The following SETD3 variants were observed in gnomAD, a reference collection of about 807,000 sequenced individuals.
The protein encoded by SETD3 is actin-histidine N-methyltransferase.
SETD3 carries 19 observed loss-of-function variants against 63.0 expected under a neutral mutation model. The ratio of observed to expected loss-of-function variants is 0.30; its 90% CI spans 0.21 to 0.44. The LOEUF (loss-of-function observed/expected upper bound fraction) is 0.44, where lower values mean the gene tolerates loss of function less well. Ranked by LOEUF, SETD3 falls within the 20% of genes least tolerant of loss-of-function variation. The pLI, the probability that SETD3 is intolerant of heterozygous loss-of-function variation, is 1.00. For missense variants in SETD3, 587 were observed against 728.5 expected (o/e 0.81, Z 2.24); for synonymous variants, 286 against 264.1 (o/e 1.08, Z -0.80).
intron 9 of SETD3, 121 bp from the exon 10 acceptor site, chr14:99,405,492 T>C (rs966498559): frequency 5.7e-6 from 6 of 1,053,278 alleles, no homozygotes; most frequent in South Asian, 1.7e-5. Flanking sequence ...CTGAAAGTAT[T>C]GATACACCTG....
chr14:99,428,948 G>A (rs753576104), intron 6 of SETD3, among the ~76,000 whole-genome samples: 5 of 152,078 alleles, frequency 3.3e-5, no homozygotes, highest in Non-Finnish European at 7.4e-5. Flanking sequence ...CTGCCTTTCT[G>A]ACCCACACAA....
In SETD3 at chr14:99,404,238, G is replaced by A. The variant is rs772840688; in HGVS notation, c.1164C>T (p.Phe388=). The part of the protein sequence containing the change: ...SAQLLAFLRV[F]CMTEEELKEH... ...GAAATGACTTACCTTCAGTCATACA[G>A]AATACTCGGAGAAAAGCCAAAAGCT... The change falls in exon 11 of 13, where the codon TTC becomes TTT. Residue 388 remains phenylalanine, a synonymous_variant. Transcript: ENST00000331768. 1.2e-6 allele frequency: 2 copies of A among 1,613,822 alleles called. No individual in the cohort carries two copies. Among genetic ancestry groups the A allele is most frequent in the Admixed American group, 1.7e-5 (1 of 60,008 alleles).
At position 99,476,769 on chromosome 14, in the gene SETD3, G is replaced by T. The variant is rs1895993661; in HGVS notation, c.-9+3959C>A. On this transcript the variant is annotated intron_variant, in intron 1 of 12. Transcript: ENST00000331768. The stretch of plus-strand genomic sequence containing the variant: ...TTAGTCGGAAGACTTTCTTAGACCT[G>T]TTATGTCCTGATGAATTGTATTCTT... 2.0e-5 allele frequency among the ~76,000 whole-genome samples: 3 copies of T among 152,270 alleles called. No homozygotes were observed. In the South Asian group the frequency reaches 6.2e-4, roughly 32 times the overall value.
At chr14:99,424,744 CA>C (rs1056891289) in intron 6 of SETD3, among the ~76,000 whole-genome samples, 6 of 151,960 alleles carry the variant, frequency 3.9e-5, no homozygotes, top group African/African-American at 1.5e-4. Context: ...AAGTTCTTGT[CA>C]CATGGTCTCA....
intron 6 of SETD3, among the ~76,000 whole-genome samples, chr14:99,454,129 G>A (rs1894620287): frequency 6.6e-6 from 1 of 151,960 alleles, no homozygotes; most frequent in African/African-American, 2.4e-5. Context: ...TCATTTGCAT[G>A]AATTTTTAAG....
intron 6 of SETD3, among the ~76,000 whole-genome samples, chr14:99,429,854 C>A (rs991188108): frequency 9.2e-5 from 14 of 152,208 alleles, no homozygotes; most frequent in Non-Finnish European, 1.3e-4. Flanking sequence ...TAAGGCCTAC[C>A]TTATATGCTT....
upstream of SETD3, among the ~76,000 whole-genome samples, chr14:99,483,292 T>C (rs910121257): frequency 1.3e-5 from 2 of 152,020 alleles, no homozygotes; most frequent in East Asian, 3.9e-4. Flanking sequence ...CTCACGCTTA[T>C]AATACCAGTA....
intron 8 of SETD3, among the ~76,000 whole-genome samples, chr14:99,407,599 AAGG>A (rs960638674): frequency 1.6e-4 from 24 of 152,128 alleles, no homozygotes; most frequent in African/African-American, 4.8e-4. Context: ...ACGGCCGAAT[AAGG>A]AGGCGGCTCA....
At chr14:99,426,000 T>C (rs1892861369) in intron 6 of SETD3, among the ~76,000 whole-genome samples, 1 of 152,208 alleles carries the variant, frequency 6.6e-6, no homozygotes, top group Non-Finnish European at 1.5e-5. Context: ...GAGGTAATCT[T>C]AGATTATTAA....
upstream of SETD3, among the ~76,000 whole-genome samples, chr14:99,483,499 G>C (rs765340913): frequency 6.6e-5 from 10 of 152,210 alleles, no homozygotes; most frequent in Non-Finnish European, 1.2e-4. Flanking sequence ...GCAGTGAGCC[G>C]TGATCGGGTG....
intron 1 of SETD3, among the ~76,000 whole-genome samples, chr14:99,476,069 T>C (rs983478951): frequency 6.6e-6 from 1 of 152,252 alleles, no homozygotes; most frequent in Non-Finnish European, 1.5e-5. Flanking sequence ...TTTGGGCATT[T>C]ATTATATGAT....
chr14:99,478,200 C>T (rs4905838), intron 1 of SETD3, among the ~76,000 whole-genome samples: 140,348 of 152,256 alleles, frequency 0.92, 65,791 homozygotes, highest in East Asian at 1. Flanking sequence ...TCCAAAGTAA[C>T]ATAAGAATAA....
chr14:99,481,713 G>C, upstream of SETD3: 2 of 382,062 alleles, frequency 5.2e-6, no homozygotes, highest in Non-Finnish European at 9.3e-6. Flanking sequence ...ACTCACCCTA[G>C]AACTGGTAGC....
intron 1 of SETD3, among the ~76,000 whole-genome samples, chr14:99,469,103 G>A (rs954488505): frequency 5.9e-5 from 9 of 152,164 alleles, no homozygotes; most frequent in African/African-American, 1.4e-4. Flanking sequence ...AATACATTCC[G>A]TTGACAGTAA....
At chr14:99,465,635 T>G (rs1895326643) in intron 2 of SETD3, 68 bp downstream of exon 2, 2 of 1,273,382 alleles carry the variant, frequency 1.6e-6, no homozygotes, top group Non-Finnish European at 2.3e-6. Context: ...GCGTCCCCAT[T>G]CTGGTGACAA....
Position 99,404,189 on chromosome 14 carries a change from A to G in SETD3, c.1177+36T>C, listed in dbSNP as rs771022254. The G allele has an allele frequency of 4.5e-6, 7 of 1,561,204 alleles. No homozygotes were observed. In the Admixed American group the frequency reaches 1.0e-4, roughly 23 times the overall value. On this transcript the variant is annotated intron_variant, in intron 11 of 12. Coordinates refer to ENST00000331768, the MANE Select transcript of SETD3 (RefSeq NM_032233.3). ...TTACACTTTCATGATTTAAAAAGAAAAAAGTCAACATCTCTTTTTTCCTGA... is the reference window on the plus strand; with the variant it reads ...TTACACTTTCATGATTTAAAAAGAAGAAAGTCAACATCTCTTTTTTCCTGA...
At chr14:99,461,455 C>T in intron 3 of SETD3, 115 bp from the exon 4 acceptor site, 1 of 1,034,866 alleles carries the variant, frequency 9.7e-7, no homozygotes, top group South Asian at 1.6e-5. Flanking sequence ...TCTTAACACG[C>T]CAATCTTGAA....
rs867214628 is a variant in SETD3 at position 99,452,848 on chromosome 14, G to C, written c.675+5431C>G. ...ACCTCCGAGCCAGCAGGCAGATCGC[G>C]GGGGGAGAAAACAAAATAGGTTTCA... On this transcript the variant is annotated intron_variant, in intron 6 of 12. Transcript: ENST00000331768. Among the ~76,000 whole-genome samples the C allele has an allele frequency of 7.3e-3, 1,114 of 152,228 alleles. 8 individuals are homozygous for C. The highest frequency in any genetic ancestry group is 0.024 in the African/African-American group (1,007 of 41,554).
intron 8 of SETD3, among the ~76,000 whole-genome samples, chr14:99,406,911 G>A (rs1358800933): frequency 2.0e-5 from 3 of 152,198 alleles, no homozygotes; most frequent in Non-Finnish European, 4.4e-5. Flanking sequence ...TGAGGGCAGT[G>A]AGCCCACAGG....
Sources: allele counts gnomAD v4.1 joint callset (sites outside exome capture counted in the v4.1 genomes callset), GRCh38; gene constraint gnomAD v4.1.1; transcripts MANE v1.5; gene names NCBI Gene and HGNC (gene_info 2026-07-23, HGNC 2026-07-21).